The following RIMS1 variants were observed in gnomAD, a reference collection of about 807,000 sequenced individuals.
RIMS1 encodes regulating synaptic membrane exocytosis 1, also known as regulating synaptic membrane exocytosis protein 1.
In RIMS1, 83 loss-of-function variants were observed where a neutral mutation model predicts 214.1. The observed-to-expected ratio is 0.39, with a 90% CI of 0.32 to 0.47. The LOEUF (loss-of-function observed/expected upper bound fraction) is 0.47, where lower values mean the gene tolerates loss of function less well. RIMS1 is among the 20% of genes least tolerant of loss of function. The pLI is 0.99. For missense variants in RIMS1, 2,050 were observed against 2,161.8 expected (o/e 0.95, Z 1.03); for synonymous variants, 793 against 786.8 (o/e 1.01, Z -0.13).
At chr6:72,175,660 C>A (rs1029252405) in intron 4 of RIMS1, among the ~76,000 whole-genome samples, 1 of 142,216 alleles carries the variant, frequency 7.0e-6, no homozygotes, top group Non-Finnish European at 1.5e-5. Flanking sequence ...GCAACAGGAG[C>A]AAAACTCCAT....
intron 2 of RIMS1, among the ~76,000 whole-genome samples, chr6:71,991,612 AG>A (rs1334459861): frequency 6.6e-6 from 1 of 152,248 alleles, no homozygotes; most frequent in Non-Finnish European, 1.5e-5. Flanking sequence ...GTTTCAGTCT[AG>A]TGCTCAAATG....
At chr6:72,167,635 G>A (rs2496489) in intron 4 of RIMS1, among the ~76,000 whole-genome samples, 105,356 of 151,940 alleles carry the variant, frequency 0.69, 36,988 homozygotes, top group East Asian at 0.84. Context: ...AGGACTATTC[G>A]GGTTTTCAGT....
chr6:71,902,767 A>G (rs760321766), intron 1 of RIMS1, among the ~76,000 whole-genome samples: 5 of 152,060 alleles, frequency 3.3e-5, no homozygotes, highest in Non-Finnish European at 7.4e-5. Context: ...TATAAGTGAA[A>G]ACATGTGATA....
At chr6:72,257,716 A>G (rs1473751156) in intron 16 of RIMS1, among the ~76,000 whole-genome samples, 2 of 152,192 alleles carry the variant, frequency 1.3e-5, no homozygotes, top group Non-Finnish European at 2.9e-5. Context: ...ATCGAAATGA[A>G]GAATTTATTT....
chr6:72,123,484 A>C (rs902274549), intron 4 of RIMS1, among the ~76,000 whole-genome samples: 3 of 151,876 alleles, frequency 2.0e-5, no homozygotes, highest in Non-Finnish European at 4.4e-5. Flanking sequence ...GATGTCTATT[A>C]GGTCCACTTG....
intron 2 of RIMS1, among the ~76,000 whole-genome samples, chr6:72,036,946 G>T (rs765193945): frequency 1.3e-5 from 2 of 152,082 alleles, no homozygotes; most frequent in African/African-American, 4.8e-5. Flanking sequence ...GAACTTTCTC[G>T]TAGCAACCAG....
At chr6:72,011,945 A>G (rs2151864528) in intron 2 of RIMS1, among the ~76,000 whole-genome samples, 1 of 152,340 alleles carries the variant, frequency 6.6e-6, no homozygotes, top group Admixed American at 6.5e-5. Flanking sequence ...ATCTAGAACT[A>G]GAAATATCAT....
At position 72,087,441 on chromosome 6, in the gene RIMS1, G is replaced by A. The variant is rs190722271; in HGVS notation, c.246-9508G>A. On this transcript the variant is annotated intron_variant, in intron 2 of 33. Transcript: ENST00000521978. ...TGCCTATCAAAACTCTGGCAGAATT[G>A]CCCTTGTTTGATGAGAGGAATGAGC... is the stretch of plus-strand genomic sequence containing the variant. Among the ~76,000 whole-genome samples, 546 of 152,304 alleles carry A rather than the reference G, an allele frequency of 3.6e-3. 3 individuals are homozygous for A. Among genetic ancestry groups the A allele is most frequent in the Non-Finnish European group, 4.4e-3 (296 of 68,032 alleles).
chr6:72,111,697 C>G (rs1284814398), intron 4 of RIMS1, among the ~76,000 whole-genome samples: 1 of 152,094 alleles, frequency 6.6e-6, no homozygotes, highest in Non-Finnish European at 1.5e-5. Context: ...CTTGAAAAGT[C>G]TATGAAAGAT....
rs2154458313 is a variant in RIMS1 at position 72,399,007 on chromosome 6, G to A, written c.4773G>A (p.Lys1591=). 1.2e-6 allele frequency: 2 copies of A among 1,610,482 alleles called. No individual in the cohort carries two copies. Among genetic ancestry groups the A allele is most frequent in the African/African-American group, 1.3e-5 (1 of 74,940 alleles). ...LLENGACIAK[K]KTRIARKTLD... is the part of the protein sequence containing the mutation. Reference sequence around the variant, plus strand: ...AAAATGGGGCCTGTATAGCCAAGAAGAAGACAAGAATTGCACGAAAAACCC... The same window carrying A: ...AAAATGGGGCCTGTATAGCCAAGAAAAAGACAAGAATTGCACGAAAAACCC... The change falls in exon 33 of 34, where the codon AAG becomes AAA. Residue 1591 remains lysine, a synonymous_variant. Coordinates refer to ENST00000521978, the MANE Select transcript of RIMS1 (RefSeq NM_014989.7).
At chr6:72,330,763 G>C (rs2096630962) in intron 28 of RIMS1, among the ~76,000 whole-genome samples, 2 of 151,918 alleles carry the variant, frequency 1.3e-5, no homozygotes, top group South Asian at 4.1e-4. Context: ...AAGCATATTT[G>C]TGCTGTAATC....
At chr6:72,138,502 T>A (rs1337081701) in intron 4 of RIMS1, among the ~76,000 whole-genome samples, 1 of 152,166 alleles carries the variant, frequency 6.6e-6, no homozygotes, top group East Asian at 1.9e-4. Context: ...AATAATTTTA[T>A]ATATGTGTAA....
At chr6:72,054,949 T>A (rs934712437) in intron 2 of RIMS1, among the ~76,000 whole-genome samples, 2 of 152,194 alleles carry the variant, frequency 1.3e-5, no homozygotes, top group African/African-American at 4.8e-5. Context: ...TTTGCCAACT[T>A]TGGCTTTTGT....
Position 72,290,712 on chromosome 6 carries a change from C to T in RIMS1, c.3588C>T (p.His1196=), listed in dbSNP as rs762158019. Reference sequence around the variant, plus strand: ...CAACATGTCTTTCTAGAAGGGGACACGCAGCCCCAAGAGCAACTGATCAGC... The same window carrying T: ...CAACATGTCTTTCTAGAAGGGGACATGCAGCCCCAAGAGCAACTGATCAGC... ...VLPTCLSRRG[H]AAPRATDQPV... Residue 1196 remains histidine (H), a synonymous_variant, in exon 25 of 34, where the codon CAC becomes CAT. Transcript: ENST00000521978. 112 of 1,613,518 alleles carry T rather than the reference C, an allele frequency of 6.9e-5. No homozygotes were observed. Among genetic ancestry groups the T allele is most frequent in the Non-Finnish European group, 8.1e-5 (95 of 1,179,740 alleles).
At chr6:72,237,651 G>A (rs745434278) in intron 8 of RIMS1, among the ~76,000 whole-genome samples, 172 bp from the exon 9 acceptor site, 12 of 151,290 alleles carry the variant, frequency 7.9e-5, no homozygotes, top group Non-Finnish European at 1.3e-4. Context: ...ATTCCATCCT[G>A]GGTGACAGAG....
At chr6:72,227,192 G>T (rs2060448157) in intron 6 of RIMS1, among the ~76,000 whole-genome samples, 1 of 151,860 alleles carries the variant, frequency 6.6e-6, no homozygotes, top group Non-Finnish European at 1.5e-5. Context: ...ATGAAGTTTT[G>T]TTGATTACTC....
At chr6:72,201,068 T>G (rs1277052310) in intron 6 of RIMS1, among the ~76,000 whole-genome samples, 1 of 152,116 alleles carries the variant, frequency 6.6e-6, no homozygotes, top group African/African-American at 2.4e-5. Context: ...ATAAGTTCTA[T>G]AAAAAGGAAA....
At position 72,275,989 on chromosome 6, in the gene RIMS1, G is replaced by A. The variant is rs528314403; in HGVS notation, c.3482+1557G>A. ...TGAGATGCCAGGGCCAAGTGGGGAG[G>A]ATTACTTGAGCCCAGGAGTTTGAGA... On this transcript the variant is annotated intron_variant, in intron 23 of 33. Transcript: ENST00000521978. Among the ~76,000 whole-genome samples, 13 of 152,316 alleles carry A rather than the reference G, an allele frequency of 8.5e-5. No homozygotes were observed. The East Asian group carries it at 2.3e-3, about 27-fold the overall frequency.
Position 72,233,781 on chromosome 6 carries a change from G to A in RIMS1, c.1687G>A (p.Asp563Asn), listed in dbSNP as rs1212149722. The change falls in exon 7 of 34, where the codon GAT becomes AAT. Residue 563 changes from aspartate to asparagine, a missense_variant. Asp to Asn is a conservative substitution (Grantham distance 23, BLOSUM62 1). This residue lies in a region of RIMS1 where 882 missense variants were observed against 828.9 expected (regional missense o/e 1.06). Transcript: ENST00000521978. ...CTTTTTGTATTGCACAGGTGATTTG[G>A]ATTATTACTGGTTGGATCCTGCCAC... The part of the protein sequence containing the change: ...SESVSEKGDL[D>N]YYWLDPATWH... 6.4e-7 allele frequency: 1 copy of A among 1,571,450 alleles called. No homozygotes were observed. Among genetic ancestry groups the A allele is most frequent in the Non-Finnish European group, 8.7e-7 (1 of 1,155,816 alleles).
Sources: allele counts gnomAD v4.1 joint callset (sites outside exome capture counted in the v4.1 genomes callset), GRCh38; gene constraint gnomAD v4.1.1; regional missense constraint gnomAD v4.1.1; transcripts MANE v1.5; gene names NCBI Gene and HGNC (gene_info 2026-07-23, HGNC 2026-07-21).